CKAP2: variants seen among roughly 807,000 people sequenced by gnomAD.
The protein encoded by CKAP2 is cytoskeleton-associated protein 2.
In CKAP2, 46 loss-of-function variants were observed where a neutral mutation model predicts 58.4. The observed-to-expected ratio is 0.79, with a 90% CI of 0.62 to 1.01. The LOEUF (loss-of-function observed/expected upper bound fraction) is 1.01, where lower values mean the gene tolerates loss of function less well. CKAP2 is among the 50% of genes least tolerant of loss of function. The pLI is 0.00. For missense variants in CKAP2, 809 were observed against 796.4 expected (o/e 1.02, Z -0.19); for synonymous variants, 293 against 280.9 (o/e 1.04, Z -0.43).
rs1958462917 is a variant in CKAP2 at position 52,455,581 on chromosome 13, G to A, written c.25G>A (p.Asp9Asn). The change falls in exon 1 of 9, where the codon GAC becomes AAC. Residue 9 changes from aspartate to asparagine, a missense_variant. Transcript: ENST00000258607. The part of the protein sequence containing the change: MSTPAVPQ[D>N]LQLPPSQRAQ... Reference sequence around the variant, plus strand: ...GATGAGCACACCGGCCGTGCCCCAGGACCTGCAGCTGCCCCCGAGTCAGAG... The same window carrying A: ...GATGAGCACACCGGCCGTGCCCCAGAACCTGCAGCTGCCCCCGAGTCAGAG... The A allele has an allele frequency of 1.2e-6, 2 of 1,612,250 alleles. No individual in the cohort carries two copies. Among genetic ancestry groups the A allele is most frequent in the African/African-American group, 1.3e-5 (1 of 74,782 alleles).
chr13:52,464,466 T>C (rs1269825998), intron 5 of CKAP2, among the ~76,000 whole-genome samples: 2 of 148,088 alleles, frequency 1.4e-5, no homozygotes, highest in Admixed American at 7.0e-5. Context: ...GGCTGGAGAA[T>C]CGCTTGAACC....
In CKAP2 at chr13:52,469,589, A is replaced by ATT. The variant is rs200067668; in HGVS notation, c.1546+1244_1546+1245dup. The stretch of plus-strand genomic sequence containing the variant: ...TGAATGAAATAATATTTATTTATTT[A>ATT]TTTATTTATTTTTTTTTTGAGACGG... On this transcript the variant is annotated intron_variant, in intron 7 of 8. Coordinates refer to ENST00000258607, the MANE Select transcript of CKAP2 (RefSeq NM_018204.5). 6.3e-4 allele frequency among the ~76,000 whole-genome samples: 89 copies of ATT among 140,204 alleles called. 2 individuals carry two copies. Among genetic ancestry groups the ATT allele is most frequent in the South Asian group, 6.7e-4 (3 of 4,456 alleles). 92.0% of individuals were successfully genotyped at this position (140,204 alleles called of 152,430 possible). A position where few individuals can be genotyped will look rare whatever the true frequency, so the allele number is the denominator to read the frequency against.
At chr13:52,463,968 T>G (rs1958624475) in intron 5 of CKAP2, among the ~76,000 whole-genome samples, 1 of 152,184 alleles carries the variant, frequency 6.6e-6, no homozygotes. Flanking sequence ...CTCAAAAGTT[T>G]TGGATTTCAG....
intron 7 of CKAP2, among the ~76,000 whole-genome samples, chr13:52,470,271 A>C (rs1472765241): frequency 6.6e-6 from 1 of 151,958 alleles, no homozygotes; most frequent in Non-Finnish European, 1.5e-5. Context: ...TTGCCCGGCT[A>C]ATTTTGTATT....
intron 7 of CKAP2, 127 bp from the exon 8 acceptor site, chr13:52,473,702 T>C: frequency 1.4e-6 from 1 of 737,664 alleles, no homozygotes. Context: ...GGAAAAGGAA[T>C]GGTTCAGAGA....
In CKAP2 at chr13:52,461,160, A is replaced by G. The variant is rs1311387466; in HGVS notation, c.334A>G (p.Thr112Ala). ...ACCTTCAAATGAACTAACCAATTCA[A>G]CTGTAGTAATTGACACACATAAACC... ...LKPSNELTNS[T>A]VVIDTHKPKD... The change falls in exon 4 of 9, where the codon ACT (threonine) becomes GCT (alanine). Residue 112 changes from threonine (T) to alanine (A), a missense_variant. Coordinates refer to ENST00000258607, the MANE Select transcript of CKAP2 (RefSeq NM_018204.5). 1.2e-6 allele frequency: 2 copies of G among 1,613,610 alleles called. No homozygotes were observed. The highest frequency in any genetic ancestry group is 1.7e-5 in the Admixed American group (1 of 59,920).
chr13:52,475,081 T>A lies in CKAP2; in HGVS notation c.1989T>A (p.Ala663=). 1.2e-6 allele frequency: 2 copies of A among 1,614,214 alleles called. No homozygotes were observed. Among genetic ancestry groups the A allele is most frequent in the Middle Eastern group, 3.3e-4 (2 of 6,062 alleles). ...CGGAGTTGGGAAGAGAAACTGATGC[T>A]TTTGTATGCCGCCCTAATGCAGCAC... The part of the protein sequence containing the change: ...QLTELGRETD[A]FVCRPNAALC... The change falls in exon 9 of 9, where the codon GCT becomes GCA. Residue 663 remains alanine (A), a synonymous_variant. Transcript: ENST00000258607.
rs184495852 is a variant in CKAP2, at chr13:52,461,362, G to A, written c.536G>A (p.Arg179His). Reference protein sequence around the residue: ...MPKKPVLGSYRGQIVQSKINS... With the variant: ...MPKKPVLGSYHGQIVQSKINS... ...AAGAAACCTGTGCTTGGATCTTATC[G>A]TGGCCAGATTGTTCAGTCTAAGATT... The change falls in exon 4 of 9, where the codon CGT becomes CAT. Residue 179 changes from arginine (R) to histidine (H), a missense_variant. By Grantham distance (29) the Arg-to-His change is conservative (BLOSUM62 0). Coordinates refer to ENST00000258607, the MANE Select transcript of CKAP2 (RefSeq NM_018204.5). The A allele has an allele frequency of 3.7e-5, 59 of 1,614,128 alleles. No homozygotes were observed. Among genetic ancestry groups the A allele is most frequent in the Non-Finnish European group, 4.8e-5 (57 of 1,180,014 alleles).
intron 2 of CKAP2, among the ~76,000 whole-genome samples, chr13:52,458,105 C>T (rs1384943805): frequency 6.6e-6 from 1 of 152,096 alleles, no homozygotes; most frequent in African/African-American, 2.4e-5. Flanking sequence ...AACAGTTTAT[C>T]CTTCACAAAT....
chr13:52,458,092 A>G (rs983205040), intron 2 of CKAP2, among the ~76,000 whole-genome samples: 4 of 152,230 alleles, frequency 2.6e-5, no homozygotes, highest in Non-Finnish European at 5.9e-5. Flanking sequence ...TTAGTTTGGA[A>G]TAAACAGTTT....
intron 1 of CKAP2, chr13:52,456,048 T>A: frequency 9.7e-7 from 1 of 1,031,344 alleles, no homozygotes; most frequent in East Asian, 8.9e-5. Context: ...ATGTGTTATT[T>A]CCAATTTCAC....
rs953388374 is a variant in CKAP2, at chr13:52,462,703, G to A, written c.1305+136G>A. 6.0e-6 allele frequency: 4 copies of A among 662,964 alleles called. No individual in the cohort carries two copies. The African/African-American group carries it at 7.3e-5, about 12-fold the overall frequency. 41.1% of individuals were successfully genotyped at this position (662,964 alleles called of 1,614,324 possible). A position where few individuals can be genotyped will look rare whatever the true frequency, so the allele number is the denominator to read the frequency against. ...TATGTTGACTTAACATTAACTGTGA[G>A]GTTATTTTAACAATTATTTAATTGC... On this transcript the variant is annotated intron_variant, in intron 5 of 8. Coordinates refer to ENST00000258607, the MANE Select transcript of CKAP2 (RefSeq NM_018204.5).
At position 52,461,398 on chromosome 13, in the gene CKAP2, G is replaced by C. The variant is rs1279420474; in HGVS notation, c.572G>C (p.Arg191Thr). The C allele has an allele frequency of 6.2e-7, 1 of 1,614,202 alleles. No individual in the cohort carries two copies. Among genetic ancestry groups the C allele is most frequent in the East Asian group, 2.2e-5 (1 of 44,884 alleles). ...QIVQSKINSF[R>T]KPLQVKDESS... ...GTTCAGTCTAAGATTAATTCATTTA[G>C]AAAACCTCTACAAGTCAAAGATGAG... Residue 191 changes from arginine to threonine, a missense_variant, in exon 4 of 9, where the codon AGA (arginine) becomes ACA (threonine). By Grantham distance (71) the Arg-to-Thr change is moderately conservative (BLOSUM62 -1). Transcript: ENST00000258607.
In CKAP2 at chr13:52,462,437, A is replaced by G. The variant is rs1243401914; in HGVS notation, c.1175A>G (p.His392Arg). The G allele has an allele frequency of 6.2e-7, 1 of 1,614,024 alleles. No individual in the cohort carries two copies. The highest frequency in any genetic ancestry group is 8.5e-7 in the Non-Finnish European group (1 of 1,180,014). ...CCCCCTAATTCAGTAGTTACTCAGC[A>G]TGAGCCTGCAGGACAAAATGAAAAA... Reference protein sequence around the residue: ...KRPPNSVVTQHEPAGQNEKPV... With the variant: ...KRPPNSVVTQREPAGQNEKPV... Residue 392 changes from histidine to arginine, a missense_variant, in exon 5 of 9, where the codon CAT becomes CGT. By Grantham distance (29) the His-to-Arg change is conservative. Coordinates refer to ENST00000258607, the MANE Select transcript of CKAP2 (RefSeq NM_018204.5).
In CKAP2 at chr13:52,468,333, A is replaced by G; in HGVS notation, c.1532A>G (p.Glu511Gly). 6.3e-7 allele frequency: 1 copy of G among 1,594,420 alleles called. No homozygotes were observed. The highest frequency in any genetic ancestry group is 8.6e-7 in the Non-Finnish European group (1 of 1,168,718). ...GATATTCTAACAATGAAGAGTCAAG[A>G]AAAAGCTAATTTAGGTAAGTTTTAG... is the stretch of plus-strand genomic sequence containing the variant. Reference protein sequence around the residue: ...IVDILTMKSQEKANLGENMEK... With the variant: ...IVDILTMKSQGKANLGENMEK... Residue 511 changes from glutamate (E) to glycine (G), a missense_variant, in exon 7 of 9, where the codon GAA becomes GGA. By Grantham distance (98) the Glu-to-Gly change is moderately conservative. This residue lies in a region of CKAP2 where 283 missense variants were observed against 287.6 expected (regional missense o/e 0.98). Coordinates refer to ENST00000258607, the MANE Select transcript of CKAP2 (RefSeq NM_018204.5).
intron 7 of CKAP2, among the ~76,000 whole-genome samples, chr13:52,469,021 C>T (rs1958721854): frequency 6.6e-6 from 1 of 152,208 alleles, no homozygotes; most frequent in South Asian, 2.1e-4. Context: ...TTTTTCTCCA[C>T]AACCCTGCCA....
chr13:52,455,958 G>A, intron 1 of CKAP2: 1 of 1,118,552 alleles, frequency 8.9e-7, no homozygotes, highest in Non-Finnish European at 1.1e-6. Context: ...GGCTGCACAG[G>A]TTCAGGGACC....
chr13:52,472,965 C>T (rs1958779506), intron 7 of CKAP2, among the ~76,000 whole-genome samples: 1 of 151,992 alleles, frequency 6.6e-6, no homozygotes, highest in African/African-American at 2.4e-5. Flanking sequence ...ATCACTTGAA[C>T]CTGGGAAGTT....
chr13:52,468,517 A>G (rs1199193704), intron 7 of CKAP2, among the ~76,000 whole-genome samples, 170 bp downstream of exon 7: 2 of 152,186 alleles, frequency 1.3e-5, no homozygotes, highest in Non-Finnish European at 2.9e-5. Context: ...TCACCCAGGT[A>G]TTAAGCCTAG....
Sources: allele counts gnomAD v4.1 joint callset (sites outside exome capture counted in the v4.1 genomes callset), GRCh38; gene constraint gnomAD v4.1.1; regional missense constraint gnomAD v4.1.1; transcripts MANE v1.5; gene names NCBI Gene and HGNC (gene_info 2026-07-23, HGNC 2026-07-21).